Variants in SCUBE1 observed in about 807,000 individuals in gnomAD.
SCUBE1 encodes the protein signal peptide, CUB domain and EGF like domain containing 1, also known as signal peptide, CUB and EGF-like domain-containing protein 1.
A neutral mutation model predicts 124.4 loss-of-function variants in SCUBE1; 59 were observed. The ratio of observed to expected loss-of-function variants is 0.47; its 90% CI spans 0.38 to 0.59. SCUBE1 has a LOEUF of 0.59. SCUBE1 is among the 20% of genes least tolerant of loss of function. The probability of loss-of-function intolerance (pLI) is 0.00; values close to 1 mark genes in which losing one functional copy is unlikely to be tolerated. For synonymous variants in SCUBE1, 545 were observed against 550.9 expected, an observed-to-expected ratio of 0.99 and a Z score of 0.15; for missense variants, 1,150 against 1,371.2, an observed-to-expected ratio of 0.84 and a Z score of 2.55.
intron 4 of SCUBE1, among the ~76,000 whole-genome samples, chr22:43,273,112 G>A (rs1924355641): frequency 6.6e-6 from 1 of 152,236 alleles, no homozygotes. Context: ...GGCTGAGACC[G>A]AGGAGGAAGG....
At chr22:43,260,401 T>C (rs1923828607) in intron 5 of SCUBE1, among the ~76,000 whole-genome samples, 1 of 152,218 alleles carries the variant, frequency 6.6e-6, no homozygotes. Flanking sequence ...AAACCTCCTC[T>C]AGCTCCGGCC....
chr22:43,245,913 G>A lies in SCUBE1; in HGVS notation c.728-6959C>T, dbSNP rs546812128. Among the ~76,000 whole-genome samples, 7 of 152,284 alleles carry A rather than the reference G, an allele frequency of 4.6e-5. 1 individual carries two copies. Among genetic ancestry groups the A allele is most frequent in the Non-Finnish European group, 7.4e-5 (5 of 68,012 alleles). ...GGAGTGTGGCAAGCCACCTTCTCTCGTGACTAGTGGGCGGGTGGGTGTTCC... is the reference window on the plus strand; with the variant it reads ...GGAGTGTGGCAAGCCACCTTCTCTCATGACTAGTGGGCGGGTGGGTGTTCC... On this transcript the variant is annotated intron_variant, in intron 6 of 21. Coordinates refer to ENST00000360835, the MANE Select transcript of SCUBE1 (RefSeq NM_173050.5).
intron 14 of SCUBE1, among the ~76,000 whole-genome samples, chr22:43,219,844 C>CT (rs1922015023): frequency 6.6e-6 from 1 of 152,062 alleles, no homozygotes; most frequent in South Asian, 2.1e-4. Flanking sequence ...TGTTCTTGTG[C>CT]CCCCACCACC....
At chr22:43,330,485 T>G (rs1422217004) in intron 2 of SCUBE1, among the ~76,000 whole-genome samples, 1 of 152,222 alleles carries the variant, frequency 6.6e-6, no homozygotes, top group South Asian at 2.1e-4. Flanking sequence ...CATCCTGTTA[T>G]GATCACATCT....
intron 4 of SCUBE1, chr22:43,270,485 A>T (rs919115971): frequency 6.6e-6 from 1 of 152,200 alleles, no homozygotes; most frequent in Non-Finnish European, 1.5e-5. Flanking sequence ...GGCCGTCTCC[A>T]ACGACAGCTT....
chr22:43,281,508 CT>C (rs1569010912), intron 4 of SCUBE1, among the ~76,000 whole-genome samples: 17 of 71,580 alleles, frequency 2.4e-4, no homozygotes, highest in East Asian at 1.6e-3. Flanking sequence ...CTGTCACCTC[CT>C]CCTCAGCCAC....
intron 3 of SCUBE1, among the ~76,000 whole-genome samples, chr22:43,303,847 CT>C (rs1367492654): frequency 5.3e-5 from 8 of 152,228 alleles, no homozygotes; most frequent in African/African-American, 1.9e-4. Context: ...TTGTTTCCGT[CT>C]TTTTGCATGA....
chr22:43,285,551 C>T (rs1010270473), intron 4 of SCUBE1, among the ~76,000 whole-genome samples: 3 of 152,164 alleles, frequency 2.0e-5, no homozygotes, highest in Admixed American at 2.0e-4. Flanking sequence ...ACAGAGGTGG[C>T]CACTGGGGCA....
chr22:43,222,483 G>C (rs1243991954), intron 12 of SCUBE1, among the ~76,000 whole-genome samples, 155 bp downstream of exon 12: 1 of 152,180 alleles, frequency 6.6e-6, no homozygotes, highest in African/African-American at 2.4e-5. Context: ...CTAGGTCCTG[G>C]GCCTGGCTCA....
chr22:43,332,835 A>C (rs1387775918), intron 2 of SCUBE1, among the ~76,000 whole-genome samples: 2 of 151,994 alleles, frequency 1.3e-5, no homozygotes, highest in Non-Finnish European at 2.9e-5. Flanking sequence ...GGGAAGTTAC[A>C]TGGGTCCTCA....
chr22:43,292,334 C>T (rs112953652), intron 3 of SCUBE1, among the ~76,000 whole-genome samples: 2,006 of 152,214 alleles, frequency 0.013, 44 homozygotes, highest in African/African-American at 0.045. Flanking sequence ...GCACAAAGGG[C>T]GCTATTGGCT....
At chr22:43,206,925 C>A (rs1306729648) in intron 21 of SCUBE1, among the ~76,000 whole-genome samples, 1 of 152,204 alleles carries the variant, frequency 6.6e-6, no homozygotes, top group African/African-American at 2.4e-5. Flanking sequence ...AGTGAATCTT[C>A]CCGAACTCTG....
chr22:43,281,652 C>T (rs545063594), intron 4 of SCUBE1, among the ~76,000 whole-genome samples: 1 of 151,654 alleles, frequency 6.6e-6, no homozygotes, highest in South Asian at 2.1e-4. Context: ...ATCCTCCCGT[C>T]GTCTCCCCCT....
chr22:43,210,383 C>T lies in SCUBE1; in HGVS notation c.2384-143G>A, dbSNP rs993778946. On this transcript the variant is annotated intron_variant, in intron 18 of 21. Transcript: ENST00000360835. The surrounding 1 kb of genome is among the most constrained non-coding windows in gnomAD (Gnocchi z 4.5). ...CCCACACTAGCCCTCGGACCCTGAG[C>T]CCATCCTCCTTGGGGACCCTGCCTG... 3.0e-6 allele frequency: 2 copies of T among 676,044 alleles called. No homozygotes were observed. Among genetic ancestry groups the T allele is most frequent in the South Asian group, 2.6e-5 (1 of 38,978 alleles). 41.9% of individuals were successfully genotyped at this position (676,044 alleles called of 1,614,324 possible).
chr22:43,262,690 C>T (rs1413815356), intron 5 of SCUBE1, 30 bp downstream of exon 5: 10 of 1,610,864 alleles, frequency 6.2e-6, no homozygotes, highest in Middle Eastern at 1.7e-4. Flanking sequence ...ACGCACGGGA[C>T]GTTTGACCCA....
chr22:43,329,965 G>A (rs1310008950), intron 2 of SCUBE1, among the ~76,000 whole-genome samples: 1 of 152,118 alleles, frequency 6.6e-6, no homozygotes, highest in East Asian at 1.9e-4. Context: ...CCCAGAGGAA[G>A]GGGGCAGAGA....
At chr22:43,239,549 C>A in intron 6 of SCUBE1, among the ~76,000 whole-genome samples, 1 of 152,384 alleles carries the variant, frequency 6.6e-6, no homozygotes, top group Non-Finnish European at 1.5e-5. Flanking sequence ...TGAAGCTTGT[C>A]TAGTGCTTTT....
intron 2 of SCUBE1, among the ~76,000 whole-genome samples, chr22:43,329,776 G>A (rs983380038): frequency 2.6e-5 from 4 of 152,176 alleles, no homozygotes; most frequent in African/African-American, 7.2e-5. Context: ...ACAAGGCCCC[G>A]AGTCCTCTTT....
chr22:43,278,835 A>G (rs916523187), intron 4 of SCUBE1, among the ~76,000 whole-genome samples: 1 of 152,226 alleles, frequency 6.6e-6, no homozygotes, highest in Non-Finnish European at 1.5e-5. Flanking sequence ...TGTGAGCATC[A>G]GGCGACCCTG....
Sources: gnomAD v4.1 joint callset for allele counts (sites outside exome capture counted in the v4.1 genomes callset) on GRCh38, gnomAD v4.1.1 for gene constraint, Gnocchi (gnomAD v3.1) non-coding constraint, MANE v1.5 for transcripts, NCBI Gene and HGNC (gene_info 2026-07-23, HGNC 2026-07-21) for gene names.